The following DPP6 variants were observed in gnomAD, a reference collection of about 807,000 sequenced individuals.
DPP6 encodes dipeptidyl peptidase like 6, also known as A-type potassium channel modulatory protein DPP6.
Under a neutral mutation model 122.6 loss-of-function variants are expected in DPP6, and 69 were observed. The observed-to-expected ratio is 0.56, with a 90% CI of 0.46 to 0.69. The LOEUF (loss-of-function observed/expected upper bound fraction) is 0.69. DPP6 is among the 30% of genes least tolerant of loss of function. The probability of loss-of-function intolerance (pLI) is 0.00; values close to 1 mark genes in which losing one functional copy is unlikely to be tolerated. For missense variants in DPP6, 928 were observed against 1,116.9 expected (o/e 0.83, Z 2.41); for synonymous variants, 418 against 433.1 (o/e 0.97, Z 0.43).
chr7:154,415,332 A>T (rs1816934389), intron 1 of DPP6, among the ~76,000 whole-genome samples: 1 of 152,094 alleles, frequency 6.6e-6, no homozygotes, highest in Non-Finnish European at 1.5e-5. Flanking sequence ...ACCACTACTC[A>T]GAATTAAGAA....
Position 154,580,781 on chromosome 7 carries a change from C to T in DPP6, c.627+13865C>T, listed in dbSNP as rs1243916339. On this transcript the variant is annotated intron_variant, in intron 5 of 25. Transcript: ENST00000377770. ...AGGAATGGGGAGAACCTTCCCGGTG[C>T]GATCACTGCAGAGGAACAGAGGCCG... is the stretch of plus-strand genomic sequence containing the variant. 4.6e-5 allele frequency among the ~76,000 whole-genome samples: 7 copies of T among 152,156 alleles called. No homozygotes were observed. In the South Asian group the frequency reaches 6.2e-4, roughly 14 times the overall value.
chr7:154,280,188 G>GTT lies in DPP6; in HGVS notation c.244-166020_244-166019dup, dbSNP rs147959898. 2.9e-3 allele frequency among the ~76,000 whole-genome samples: 434 copies of GTT among 152,080 alleles called. 2 individuals carry two copies. Among genetic ancestry groups the GTT allele is most frequent in the African/African-American group, 9.6e-3 (399 of 41,484 alleles). ...AAGCAGCATATTTAATGTTTTTACT[G>GTT]TTTTTTTATAAAAAAAGGTTTCTAT... On this transcript the variant is annotated intron_variant, in intron 1 of 25. Coordinates refer to ENST00000377770, the MANE Select transcript of DPP6 (RefSeq NM_130797.4).
chr7:153,887,612 TTAATCCTCACCAGGACAATGGA>T lies in DPP6; in HGVS notation c.-70_-49del, dbSNP rs1798987679. 5 of 1,581,522 alleles carry T rather than the reference TTAATCCTCACCAGGACAATGGA, an allele frequency of 3.2e-6. No individual in the cohort carries two copies. In the South Asian group the frequency reaches 5.7e-5, roughly 18 times the overall value. On this transcript the variant is annotated 5_prime_UTR_variant, in exon 1 of 26. Transcript: ENST00000404039. ...CAGTCTTCAGCCAGTCCAGTCTACT[TTAATCCTCACCAGGACAATGGA>T]TTAAGTTTCTCTTCCCTGGACCAGA...
chr7:154,671,753 G>T (rs529644076), intron 7 of DPP6, among the ~76,000 whole-genome samples: 1 of 152,290 alleles, frequency 6.6e-6, no homozygotes, highest in African/African-American at 2.4e-5. Context: ...GAGGGGATAA[G>T]TGATTATAGA....
the DPP6 span, among the ~76,000 whole-genome samples, chr7:153,862,998 G>A: frequency 6.6e-6 from 1 of 152,058 alleles, no homozygotes; most frequent in Non-Finnish European, 1.5e-5. Context: ...TGATATATAA[G>A]AAGATGCATA....
intron 1 of DPP6, among the ~76,000 whole-genome samples, chr7:154,262,106 T>G (rs1803063014): frequency 6.6e-6 from 1 of 152,122 alleles, no homozygotes. Context: ...ACTAATAGAC[T>G]GCTCGTGAAA....
intron 1 of DPP6, among the ~76,000 whole-genome samples, chr7:153,980,471 A>G (rs1190532181): frequency 6.6e-6 from 1 of 150,752 alleles, no homozygotes; most frequent in African/African-American, 2.4e-5. Context: ...TGGTCTATCT[A>G]TTTTGTTAAT....
chr7:154,751,149 T>C (rs78957617), intron 8 of DPP6, among the ~76,000 whole-genome samples: 2,778 of 152,130 alleles, frequency 0.018, 36 homozygotes, highest in Non-Finnish European at 0.026. Flanking sequence ...GGGGCTGGGT[T>C]GGAGATGGGG....
intron 1 of DPP6, among the ~76,000 whole-genome samples, chr7:154,125,304 A>G (rs1173827251): frequency 6.6e-6 from 1 of 152,258 alleles, no homozygotes; most frequent in Non-Finnish European, 1.5e-5. Context: ...AAGTCCTTTC[A>G]GAGTCCTACC....
intron 5 of DPP6, among the ~76,000 whole-genome samples, chr7:154,584,891 G>A (rs890605735): frequency 3.9e-5 from 6 of 152,184 alleles, no homozygotes; most frequent in South Asian, 2.1e-4. Flanking sequence ...ATTTAAAAGC[G>A]TATCTTTATA....
intron 1 of DPP6, among the ~76,000 whole-genome samples, chr7:153,996,671 A>G (rs1020818245): frequency 1.8e-4 from 28 of 152,136 alleles, no homozygotes; most frequent in African/African-American, 6.5e-4. Flanking sequence ...AGCCCTCTTG[A>G]ATAATGTCCT....
chr7:154,312,625 C>T (rs929866989), intron 1 of DPP6, among the ~76,000 whole-genome samples: 5 of 152,098 alleles, frequency 3.3e-5, no homozygotes, highest in Non-Finnish European at 5.9e-5. Flanking sequence ...TATGTGTGGG[C>T]AGAGGGGGCG....
chr7:153,847,103 A>C, the DPP6 span, among the ~76,000 whole-genome samples: 1 of 152,208 alleles, frequency 6.6e-6, no homozygotes, highest in Non-Finnish European at 1.5e-5. Flanking sequence ...GATGTTAAGA[A>C]TATCTGTGAT....
chr7:153,859,690 G>C, the DPP6 span, among the ~76,000 whole-genome samples: 3 of 152,196 alleles, frequency 2.0e-5, no homozygotes, highest in East Asian at 5.8e-4. Flanking sequence ...GAAATACCCA[G>C]ACTGGGTAAT....
chr7:153,852,082 A>G, the DPP6 span, among the ~76,000 whole-genome samples: 2 of 152,178 alleles, frequency 1.3e-5, no homozygotes, highest in Admixed American at 1.3e-4. Flanking sequence ...TTGTTATTTC[A>G]TGGTGGCTTC....
chr7:154,880,473 C>A (rs766801502), intron 20 of DPP6, among the ~76,000 whole-genome samples: 1 of 152,220 alleles, frequency 6.6e-6, no homozygotes, highest in Non-Finnish European at 1.5e-5. Flanking sequence ...AGCATAGAAC[C>A]AGAGCTCCAC....
At position 153,887,725 on chromosome 7, in the gene DPP6, G is replaced by A. The variant is rs752416547; in HGVS notation, c.42G>A (p.Gly14=). ...TGATCAAGACCGCTAAGATGCAGGG[G>A]AACGTGATGGTGAGTGCCACGGACA... The change falls in exon 1 of 26, where the codon GGG becomes GGA. Residue 14 remains glycine (G), a synonymous_variant. Coordinates refer to the DPP6 transcript ENST00000404039. 8.2e-5 allele frequency: 133 copies of A among 1,613,798 alleles called. 1 individual carries two copies. Among genetic ancestry groups the A allele is most frequent in the Admixed American group, 3.3e-4 (20 of 60,000 alleles).
At chr7:154,713,711 G>A (rs1841327520) in intron 7 of DPP6, among the ~76,000 whole-genome samples, 1 of 152,304 alleles carries the variant, frequency 6.6e-6, no homozygotes, top group Non-Finnish European at 1.5e-5. Flanking sequence ...GTCCAGGCCA[G>A]GAAAACTATT....
At chr7:154,152,911 A>G (rs1305556727) in intron 1 of DPP6, among the ~76,000 whole-genome samples, 1 of 152,118 alleles carries the variant, frequency 6.6e-6, no homozygotes, top group African/African-American at 2.4e-5. Context: ...CAACAGATAA[A>G]CTCCCTGTTA....
Sources: allele counts gnomAD v4.1 joint callset (sites outside exome capture counted in the v4.1 genomes callset), GRCh38; gene constraint gnomAD v4.1.1; transcripts MANE v1.5; gene names NCBI Gene and HGNC (gene_info 2026-07-23, HGNC 2026-07-21).